Variants in SPON1 observed in about 807,000 individuals in gnomAD.
The protein encoded by SPON1 is spondin-1.
In SPON1, 52 loss-of-function variants were observed where a neutral mutation model predicts 111.7. The ratio of observed to expected loss-of-function variants is 0.47; its 90% CI spans 0.37 to 0.59. SPON1 has a LOEUF of 0.59. Ranked by LOEUF, SPON1 falls within the 20% of genes least tolerant of loss-of-function variation. The pLI is 0.00. For missense variants in SPON1, 957 were observed against 1,068.5 expected (o/e 0.90, Z 1.46); for synonymous variants, 410 against 395.8 (o/e 1.04, Z -0.43).
intron 5 of SPON1, among the ~76,000 whole-genome samples, chr11:14,118,019 A>G (rs1849279046): frequency 6.6e-6 from 1 of 152,174 alleles, no homozygotes; most frequent in South Asian, 2.1e-4. Flanking sequence ...TCAAATACAG[A>G]AGAGCATTGG....
intron 6 of SPON1, among the ~76,000 whole-genome samples, chr11:14,236,552 AATC>A (rs1848869651): frequency 1.3e-5 from 2 of 152,202 alleles, no homozygotes; most frequent in South Asian, 4.1e-4. Context: ...ACAGCTTAGG[AATC>A]ATCAGCATAT....
chr11:13,986,154 GTCCT>G (rs1416509756), intron 2 of SPON1, among the ~76,000 whole-genome samples: 3 of 152,302 alleles, frequency 2.0e-5, no homozygotes, highest in Non-Finnish European at 2.9e-5. Context: ...AGCCTAAGGA[GTCCT>G]CCTTGTCATC....
rs140058089 is a variant in SPON1 at position 14,033,175 on chromosome 11, G to A, written c.346-8346G>A. 8.5e-5 allele frequency among the ~76,000 whole-genome samples: 13 copies of A among 152,330 alleles called. 1 individual carries two copies. Among genetic ancestry groups the A allele is most frequent in the African/African-American group, 3.1e-4 (13 of 41,570 alleles). On this transcript the variant is annotated intron_variant, in intron 2 of 15. Transcript: ENST00000576479. The stretch of plus-strand genomic sequence containing the variant: ...TTTCCTGCTGTGGATGCTATTCCAA[G>A]TTCCTGTTCTAATTATCTGACTTCT...
intron 2 of SPON1, among the ~76,000 whole-genome samples, chr11:13,990,036 G>C (rs551501200): frequency 1.4e-4 from 21 of 152,254 alleles, no homozygotes; most frequent in Non-Finnish European, 2.9e-4. Context: ...ATTTGGGGTG[G>C]AGACTTCTGT....
At chr11:14,036,060 C>T (rs1848592287) in intron 2 of SPON1, among the ~76,000 whole-genome samples, 1 of 152,116 alleles carries the variant, frequency 6.6e-6, no homozygotes, top group South Asian at 2.1e-4. Context: ...GACCAGTGTA[C>T]AAAGTGCAGG....
At chr11:14,022,481 C>T (rs149809641) in intron 2 of SPON1, among the ~76,000 whole-genome samples, 4 of 152,294 alleles carry the variant, frequency 2.6e-5, no homozygotes, top group African/African-American at 9.6e-5. Context: ...CAGAAGAGAG[C>T]TTGAGATTTG....
chr11:14,256,596 C>T lies in SPON1; in HGVS notation c.1234-21C>T, dbSNP rs375748280. ...CCTTCTTTCTCTCATGTGAGCCCTC[C>T]AAGTAAAATTCCTTTTTCAGGGTGA... On this transcript the variant is annotated intron_variant, in intron 9 of 15. Transcript: ENST00000576479. 433 of 1,579,408 alleles carry T rather than the reference C, an allele frequency of 2.7e-4. 3 individuals are homozygous for T. The South Asian group carries it at 4.6e-3, about 17-fold the overall frequency.
chr11:14,244,516 C>CAA (rs1335324550), intron 7 of SPON1, among the ~76,000 whole-genome samples: 14 of 109,748 alleles, frequency 1.3e-4, no homozygotes, highest in African/African-American at 3.8e-4. Flanking sequence ...GAATCCATCT[C>CAA]AAAAAAAAAA....
At chr11:14,086,607 C>A (rs1849008561) in intron 5 of SPON1, among the ~76,000 whole-genome samples, 1 of 151,992 alleles carries the variant, frequency 6.6e-6, no homozygotes, top group Non-Finnish European at 1.5e-5. Context: ...CTAAAATTTT[C>A]TTTTTTTGTT....
chr11:14,207,831 A>G (rs574423437), intron 6 of SPON1, among the ~76,000 whole-genome samples: 3 of 152,226 alleles, frequency 2.0e-5, no homozygotes, highest in Non-Finnish European at 4.4e-5. Context: ...AATGCCATTC[A>G]GCCCAGCAAT....
chr11:14,188,377 A>C (rs1554934269), intron 6 of SPON1, among the ~76,000 whole-genome samples: 1 of 152,094 alleles, frequency 6.6e-6, no homozygotes, highest in Non-Finnish European at 1.5e-5. Flanking sequence ...CTCCTATACA[A>C]TGAAGAGGTG....
At chr11:13,968,572 T>C (rs1554908286) in intron 1 of SPON1, among the ~76,000 whole-genome samples, 1 of 152,232 alleles carries the variant, frequency 6.6e-6, no homozygotes, top group Non-Finnish European at 1.5e-5. Context: ...ATTTTGCCTA[T>C]TTTCACTTAT....
chr11:14,256,452 T>C (rs1554941220), intron 9 of SPON1, among the ~76,000 whole-genome samples, 165 bp from the exon 10 acceptor site: 1 of 152,254 alleles, frequency 6.6e-6, no homozygotes, highest in African/African-American at 2.4e-5. Flanking sequence ...TCCTGCTTTC[T>C]TGGCATTTCT....
chr11:14,210,565 A>G (rs782176853), intron 6 of SPON1, among the ~76,000 whole-genome samples: 2 of 151,854 alleles, frequency 1.3e-5, no homozygotes, highest in African/African-American at 4.8e-5. Context: ...ATGCCTGGCT[A>G]ATTTTTATAG....
At chr11:14,045,940 G>A (rs1848665435) in intron 3 of SPON1, among the ~76,000 whole-genome samples, 1 of 151,960 alleles carries the variant, frequency 6.6e-6, no homozygotes. Context: ...TATGCCTAAG[G>A]CTATAAATAT....
At chr11:13,990,122 A>AT (rs1182999174) in intron 2 of SPON1, among the ~76,000 whole-genome samples, 1 of 151,990 alleles carries the variant, frequency 6.6e-6, no homozygotes, top group Non-Finnish European at 1.5e-5. Flanking sequence ...TATCTCATTG[A>AT]TCTGTCTAAT....
intron 6 of SPON1, among the ~76,000 whole-genome samples, chr11:14,196,512 G>T (rs1473841231): frequency 6.6e-6 from 1 of 152,076 alleles, no homozygotes; most frequent in Non-Finnish European, 1.5e-5. Context: ...AAAAAAAAAT[G>T]TGCTCAGTAA....
chr11:13,999,424 C>CTTTT lies in SPON1; in HGVS notation c.345+16482_345+16485dup, dbSNP rs11411530. ...TACACATTGCTGTATCATTTTCTTT[C>CTTTT]TTTTTTTTTTTTTTGAGATGGCATC... On this transcript the variant is annotated intron_variant, in intron 2 of 15. Coordinates refer to ENST00000576479, the MANE Select transcript of SPON1 (RefSeq NM_006108.4). Among the ~76,000 whole-genome samples, 117 of 142,578 alleles carry CTTTT rather than the reference C, an allele frequency of 8.2e-4. 1 individual carries two copies. Among genetic ancestry groups the CTTTT allele is most frequent in the African/African-American group, 2.9e-3 (112 of 38,752 alleles). The allele number at this position is 142,578 out of a possible 152,430, so 93.5% of individuals were successfully genotyped here.
At chr11:14,095,587 G>A (rs764261394) in intron 5 of SPON1, among the ~76,000 whole-genome samples, 1 of 152,124 alleles carries the variant, frequency 6.6e-6, no homozygotes, top group Admixed American at 6.6e-5. Context: ...AGAACAAAGG[G>A]AGCCAATGGT....
Sources: allele counts gnomAD v4.1 joint callset (sites outside exome capture counted in the v4.1 genomes callset), GRCh38; gene constraint gnomAD v4.1.1; transcripts MANE v1.5; gene names NCBI Gene and HGNC (gene_info 2026-07-23, HGNC 2026-07-21).